The following GAREM1 variants were observed in gnomAD, a reference collection of about 807,000 sequenced individuals.
The protein encoded by GAREM1 is GRB2-associated and regulator of MAPK protein 1.
A neutral mutation model predicts 71.3 loss-of-function variants in GAREM1; 26 were observed. The observed-to-expected ratio is 0.36, with a 90% confidence interval of 0.27 to 0.51. The LOEUF (loss-of-function observed/expected upper bound fraction) is 0.51. GAREM1 is among the 20% of genes least tolerant of loss of function. The probability of loss-of-function intolerance (pLI) is 0.95; values close to 1 mark genes in which losing one functional copy is unlikely to be tolerated. For synonymous variants in GAREM1, 440 were observed against 433.2 expected (o/e 1.02, Z -0.20); for missense variants, 1,026 against 1,103.1 (o/e 0.93, Z 0.99).
chr18:32,385,701 CAAGTAA>C (rs142085836), intron 2 of GAREM1, among the ~76,000 whole-genome samples: 5,291 of 152,156 alleles, frequency 0.035, 140 homozygotes, highest in East Asian at 0.11. Context: ...GGATGACTTC[CAAGTAA>C]AAGTGCCTCC....
chr18:32,462,405 T>C (rs548330116), intron 1 of GAREM1, among the ~76,000 whole-genome samples: 1 of 152,336 alleles, frequency 6.6e-6, no homozygotes, highest in Non-Finnish European at 1.5e-5. Flanking sequence ...ATAAGCCATT[T>C]GTATGTCTTC....
At chr18:32,305,394 A>G (rs935139428) in intron 3 of GAREM1, among the ~76,000 whole-genome samples, 2 of 152,176 alleles carry the variant, frequency 1.3e-5, no homozygotes, top group Admixed American at 6.5e-5. Context: ...AAATTTCAAG[A>G]GTTTTACACT....
At chr18:32,365,453 T>G (rs1383213418) in intron 2 of GAREM1, among the ~76,000 whole-genome samples, 1 of 152,216 alleles carries the variant, frequency 6.6e-6, no homozygotes, top group Non-Finnish European at 1.5e-5. Context: ...CAATGAGATT[T>G]CCTATAAATC....
At chr18:32,370,204 C>T (rs990041475) in intron 2 of GAREM1, among the ~76,000 whole-genome samples, 19 of 151,840 alleles carry the variant, frequency 1.3e-4, no homozygotes, top group African/African-American at 3.4e-4. Flanking sequence ...GGGCCGAGGC[C>T]GGCGGAACAC....
chr18:32,270,089 G>C, intron 5 of GAREM1, 128 bp downstream of exon 5: 1 of 1,002,126 alleles, frequency 1.0e-6, no homozygotes, highest in Non-Finnish European at 1.5e-6. Flanking sequence ...AAATTATTTA[G>C]AAAATTAAAA....
intron 3 of GAREM1, among the ~76,000 whole-genome samples, chr18:32,302,031 A>G (rs551914754): frequency 6.6e-6 from 1 of 152,256 alleles, no homozygotes; most frequent in African/African-American, 2.4e-5. Context: ...ACATGTTTGT[A>G]TTTTTTAAAA....
At chr18:32,314,183 C>T (rs1274051355) in intron 2 of GAREM1, among the ~76,000 whole-genome samples, 1 of 151,832 alleles carries the variant, frequency 6.6e-6, no homozygotes, top group Non-Finnish European at 1.5e-5. Flanking sequence ...TCTATTCCTA[C>T]CTGGTCCATG....
intron 1 of GAREM1, among the ~76,000 whole-genome samples, chr18:32,414,787 C>T (rs531355527): frequency 1.3e-5 from 2 of 151,908 alleles, no homozygotes; most frequent in South Asian, 2.1e-4. Flanking sequence ...TCAAATAACC[C>T]AGTGATGCAT....
chr18:32,436,365 T>TTG (rs57312602), intron 1 of GAREM1, among the ~76,000 whole-genome samples: 2,117 of 152,048 alleles, frequency 0.014, 21 homozygotes, highest in Non-Finnish European at 0.021. Flanking sequence ...AGTTTACCAG[T>TTG]TGTGTGTGTG....
intron 2 of GAREM1, among the ~76,000 whole-genome samples, chr18:32,360,631 C>T (rs775124567): frequency 1.6e-4 from 25 of 152,084 alleles, no homozygotes; most frequent in Non-Finnish European, 3.4e-4. Context: ...GGCCAGCAAA[C>T]ACCCCAAAAC....
chr18:32,372,504 G>A (rs1273466766), intron 2 of GAREM1, among the ~76,000 whole-genome samples: 1 of 152,150 alleles, frequency 6.6e-6, no homozygotes, highest in Non-Finnish European at 1.5e-5. Context: ...TATGAGTAGA[G>A]CCCTAGGAGC....
intron 1 of GAREM1, among the ~76,000 whole-genome samples, chr18:32,468,014 G>T (rs889650355): frequency 6.6e-6 from 1 of 152,138 alleles, no homozygotes; most frequent in African/African-American, 2.4e-5. Context: ...AATTAGAAGA[G>T]AATTTTTTGG....
At chr18:32,309,882 C>G (rs1182311354) in intron 3 of GAREM1, among the ~76,000 whole-genome samples, 1 of 152,108 alleles carries the variant, frequency 6.6e-6, no homozygotes, top group Non-Finnish European at 1.5e-5. Flanking sequence ...AAGTGGAGAT[C>G]TGGCTAAACA....
rs567522078 is a variant in GAREM1 at position 32,446,261 on chromosome 18, C to A, written c.121+24047G>T. Among the ~76,000 whole-genome samples, 16 of 146,356 alleles carry A rather than the reference C, an allele frequency of 1.1e-4. No homozygotes were observed. In the South Asian group the frequency reaches 3.4e-3, roughly 31 times the overall value. On this transcript the variant is annotated intron_variant, in intron 1 of 5. Coordinates refer to ENST00000269209, the MANE Select transcript of GAREM1 (RefSeq NM_001242409.2). ...GTGTGTGTGTGTGTGTGTATAACAA[C>A]AGAATTGTTCACCATTAACACAATA...
intron 1 of GAREM1, among the ~76,000 whole-genome samples, chr18:32,438,759 G>A (rs1026907810): frequency 1.3e-4 from 20 of 152,066 alleles, no homozygotes; most frequent in Non-Finnish European, 2.4e-4. Context: ...ATTACCTTCC[G>A]AGATTGCTTT....
chr18:32,372,517 T>C (rs866627761), intron 2 of GAREM1, among the ~76,000 whole-genome samples: 3 of 152,204 alleles, frequency 2.0e-5, no homozygotes, highest in Non-Finnish European at 2.9e-5. Context: ...CTAGGAGCTA[T>C]GCCTCTGAAA....
chr18:32,278,802 C>T (rs1468424326), intron 4 of GAREM1, among the ~76,000 whole-genome samples: 1 of 152,156 alleles, frequency 6.6e-6, no homozygotes, highest in African/African-American at 2.4e-5. Context: ...ATAAATGAAC[C>T]TCTATTTGAT....
intron 1 of GAREM1, among the ~76,000 whole-genome samples, chr18:32,425,338 G>A (rs1179310665): frequency 2.0e-5 from 3 of 152,132 alleles, no homozygotes; most frequent in South Asian, 2.1e-4. Flanking sequence ...CTTTAAGAAA[G>A]GTCCTACCAT....
At chr18:32,334,663 G>A (rs968165704) in intron 2 of GAREM1, among the ~76,000 whole-genome samples, 1 of 152,182 alleles carries the variant, frequency 6.6e-6, no homozygotes, top group Non-Finnish European at 1.5e-5. Context: ...TATTCCCTGT[G>A]TTTTTGCTGG....
Sources: gnomAD v4.1 joint callset for allele counts (sites outside exome capture counted in the v4.1 genomes callset) on GRCh38, gnomAD v4.1.1 for gene constraint, MANE v1.5 for transcripts, NCBI Gene and HGNC (gene_info 2026-07-23, HGNC 2026-07-21) for gene names.